Variants in GPATCH8 observed in about 807,000 individuals in gnomAD.
The protein encoded by GPATCH8 is G patch domain-containing protein 8.
Under a neutral mutation model 118.3 loss-of-function variants are expected in GPATCH8, and 18 were observed. The observed-to-expected ratio is 0.15, with a 90% CI of 0.11 to 0.23. The LOEUF (loss-of-function observed/expected upper bound fraction) is 0.23, where lower values mean the gene tolerates loss of function less well. Ranked by LOEUF, GPATCH8 falls within the 10% of genes least tolerant of loss-of-function variation. The pLI, the probability that GPATCH8 is intolerant of heterozygous loss-of-function variation, is 1.00. For missense variants in GPATCH8, 1,631 were observed against 1,873.8 expected, an observed-to-expected ratio of 0.87 and a Z score of 2.39; for synonymous variants, 659 against 684.7, an observed-to-expected ratio of 0.96 and a Z score of 0.59.
chr17:44,414,155 A>ATG lies in GPATCH8; in HGVS notation c.493-8106_493-8105dup, dbSNP rs3065769. The stretch of plus-strand genomic sequence containing the variant: ...TATATATATATATGTGTATATATAT[A>ATG]TGTGTATATATATATATGAACATAT... On this transcript the variant is annotated intron_variant, in intron 6 of 7. Transcript: ENST00000591680. Among the ~76,000 whole-genome samples the ATG allele has an allele frequency of 2.7e-4, 9 of 33,344 alleles. No individual in the cohort carries two copies. The East Asian group carries it at 4.5e-3, about 17-fold the overall frequency. The allele number at this position is 33,344 out of a possible 152,430, so 21.9% of individuals were successfully genotyped here. A position where few individuals can be genotyped will look rare whatever the true frequency, so the allele number is the denominator to read the frequency against.
chr17:44,432,406 G>C (rs941817540), intron 5 of GPATCH8, among the ~76,000 whole-genome samples: 3 of 152,176 alleles, frequency 2.0e-5, no homozygotes, highest in African/African-American at 7.2e-5. Context: ...GAAAGATGAA[G>C]GCTGAGTACC....
At chr17:44,501,235 G>A (rs1210527092) in intron 1 of GPATCH8, among the ~76,000 whole-genome samples, 3 of 151,966 alleles carry the variant, frequency 2.0e-5, no homozygotes, top group Admixed American at 1.3e-4. Context: ...TGGCCAATAC[G>A]GTGAAACCCC....
At chr17:44,436,751 C>A in intron 3 of GPATCH8, 3 of 601,114 alleles carry the variant, frequency 5.0e-6, no homozygotes, top group South Asian at 3.9e-5. Flanking sequence ...GGCTGACGTC[C>A]AGTTGGGATT....
chr17:44,494,188 C>T (rs1451911760), intron 1 of GPATCH8, among the ~76,000 whole-genome samples: 1 of 152,156 alleles, frequency 6.6e-6, no homozygotes, highest in Non-Finnish European at 1.5e-5. Context: ...TAAACCCCAT[C>T]AGAATCTACA....
At chr17:44,492,686 A>G (rs1043166281) in intron 1 of GPATCH8, among the ~76,000 whole-genome samples, 2 of 152,218 alleles carry the variant, frequency 1.3e-5, no homozygotes, top group Non-Finnish European at 2.9e-5. Flanking sequence ...CAGACCTGAC[A>G]TGTAATATAG....
chr17:44,416,487 G>A (rs140489003), intron 6 of GPATCH8, among the ~76,000 whole-genome samples: 363 of 152,220 alleles, frequency 2.4e-3, no homozygotes, highest in African/African-American at 8.6e-3. Flanking sequence ...AAGCAAAACA[G>A]ACCCCAAGAA....
At chr17:44,415,046 A>T (rs1229417285) in intron 6 of GPATCH8, among the ~76,000 whole-genome samples, 1 of 152,198 alleles carries the variant, frequency 6.6e-6, no homozygotes, top group Non-Finnish European at 1.5e-5. Flanking sequence ...TTTTTAGGCA[A>T]GTTCTTGTGT....
chr17:44,497,616 A>G (rs1969755648), intron 1 of GPATCH8, among the ~76,000 whole-genome samples: 1 of 152,050 alleles, frequency 6.6e-6, no homozygotes, highest in Admixed American at 6.6e-5. Context: ...TAAAAAAATT[A>G]AATTTAAAAA....
chr17:44,495,706 A>C (rs1443251322), intron 1 of GPATCH8, among the ~76,000 whole-genome samples: 1 of 152,230 alleles, frequency 6.6e-6, no homozygotes. Flanking sequence ...TTGCTCGCAC[A>C]GATGATACCC....
At chr17:44,468,059 C>A (rs188315370) in intron 2 of GPATCH8, among the ~76,000 whole-genome samples, 1 of 149,452 alleles carries the variant, frequency 6.7e-6, no homozygotes, top group East Asian at 2.0e-4. Flanking sequence ...TGGAGTGTAA[C>A]GGCAATCTCA....
Position 44,397,781 on chromosome 17 carries a change from G to A in GPATCH8, c.4296C>T (p.Thr1432=). ...TGTGGATGGGATGGCTAGCGAGAAAGGTGGCAGGGTGGCCAGGGATGATTG... is the reference window on the plus strand; with the variant it reads ...TGTGGATGGGATGGCTAGCGAGAAAAGTGGCAGGGTGGCCAGGGATGATTG... ...THSIIPGHPA[T]FLASHPIHII... is the part of the protein sequence containing the mutation. Residue 1432 remains threonine (T), a synonymous_variant, in exon 8 of 8, where the codon ACC becomes ACT. Coordinates refer to ENST00000591680, the MANE Select transcript of GPATCH8 (RefSeq NM_001002909.4). The A allele has an allele frequency of 6.3e-7, 1 of 1,582,784 alleles. No individual in the cohort carries two copies. The highest frequency in any genetic ancestry group is 1.3e-5 in the African/African-American group (1 of 74,684).
chr17:44,451,370 G>T (rs1466943615), intron 3 of GPATCH8, among the ~76,000 whole-genome samples: 1 of 152,120 alleles, frequency 6.6e-6, no homozygotes, highest in African/African-American at 2.4e-5. Context: ...TGTGATTACA[G>T]TCGTGAGCCA....
In GPATCH8 at chr17:44,396,570, TTTA is replaced by T; in HGVS notation, c.*995_*997del. The T allele has an allele frequency of 4.6e-6, 2 of 435,540 alleles. No individual in the cohort carries two copies. Among genetic ancestry groups the T allele is most frequent in the Non-Finnish European group, 9.0e-6 (2 of 221,180 alleles). 27.0% of individuals were successfully genotyped at this position (435,540 alleles called of 1,614,324 possible). A position where few individuals can be genotyped will look rare whatever the true frequency, so the allele number is the denominator to read the frequency against. ...TTTGCATCTAGCAGAAAACAAATAT[TTTA>T]TTTTTTGTTTTCATTTTATAACCTT... On this transcript the variant is annotated 3_prime_UTR_variant, in exon 8 of 8. Coordinates refer to ENST00000591680, the MANE Select transcript of GPATCH8 (RefSeq NM_001002909.4).
At chr17:44,497,300 G>T (rs1969727705) in intron 1 of GPATCH8, among the ~76,000 whole-genome samples, 1 of 152,138 alleles carries the variant, frequency 6.6e-6, no homozygotes, top group Non-Finnish European at 1.5e-5. Flanking sequence ...TCAGAAAATG[G>T]CAATCTTGGC....
At chr17:44,477,960 C>T (rs186908297) in intron 1 of GPATCH8, among the ~76,000 whole-genome samples, 1 of 150,578 alleles carries the variant, frequency 6.6e-6, no homozygotes, top group East Asian at 2.0e-4. Context: ...CAGGCACACG[C>T]CACCACACCT....
rs1969711451 is a variant in GPATCH8 at position 44,497,076 on chromosome 17, T to C, written c.45+6250A>G. 3.9e-5 allele frequency among the ~76,000 whole-genome samples: 6 copies of C among 152,178 alleles called. 1 individual carries two copies. In the South Asian group the frequency reaches 1.2e-3, roughly 31 times the overall value. On this transcript the variant is annotated intron_variant, in intron 1 of 7. Transcript: ENST00000591680. ...TTAATGCTAAATGGTAATGCTAATA[T>C]GAAAAGAAAATTAATGCCAGACTTA...
intron 6 of GPATCH8, among the ~76,000 whole-genome samples, chr17:44,408,648 C>G (rs2049319285): frequency 6.6e-6 from 1 of 152,118 alleles, no homozygotes; most frequent in Non-Finnish European, 1.5e-5. Flanking sequence ...AGTATGGAGT[C>G]CCCAGGGTGA....
chr17:44,437,759 CGGTG>C (rs2050559963), intron 3 of GPATCH8, among the ~76,000 whole-genome samples: 1 of 151,736 alleles, frequency 6.6e-6, no homozygotes, highest in Non-Finnish European at 1.5e-5. Context: ...CACTTGTACT[CGGTG>C]GCTCTATATT....
At chr17:44,482,754 T>C (rs1968373458) in intron 1 of GPATCH8, among the ~76,000 whole-genome samples, 1 of 152,030 alleles carries the variant, frequency 6.6e-6, no homozygotes, top group South Asian at 2.1e-4. Flanking sequence ...GAAATCCATA[T>C]CAAATAAGTC....
Sources: gnomAD v4.1 joint callset for allele counts (sites outside exome capture counted in the v4.1 genomes callset) on GRCh38, gnomAD v4.1.1 for gene constraint, MANE v1.5 for transcripts, NCBI Gene and HGNC (gene_info 2026-07-23, HGNC 2026-07-21) for gene names.